Variants in STK31 observed in about 807,000 individuals in gnomAD.
STK31 encodes serine/threonine-protein kinase 31.
A neutral mutation model predicts 129.7 loss-of-function variants in STK31; 89 were observed. The observed-to-expected ratio is 0.69, with a 90% CI of 0.58 to 0.82. The LOEUF (loss-of-function observed/expected upper bound fraction) is 0.82, where lower values mean the gene tolerates loss of function less well. Among genes scored for constraint, STK31 ranks in the 40% least tolerant of loss-of-function variants. The probability of loss-of-function intolerance (pLI) is 0.00; values close to 1 mark genes in which losing one functional copy is unlikely to be tolerated. For missense variants in STK31, 1,187 were observed against 1,176.4 expected (o/e 1.01, Z -0.13); for synonymous variants, 448 against 395.3 (o/e 1.13, Z -1.58).
chr7:23,781,822 A>G (rs1275020232), intron 16 of STK31, among the ~76,000 whole-genome samples: 1 of 152,102 alleles, frequency 6.6e-6, no homozygotes, highest in Non-Finnish European at 1.5e-5. Flanking sequence ...TTCTTTTAGT[A>G]TTTTTTTGTT....
chr7:23,718,100 T>C (rs962523793), intron 4 of STK31, among the ~76,000 whole-genome samples: 5 of 152,158 alleles, frequency 3.3e-5, no homozygotes, highest in Non-Finnish European at 5.9e-5. Context: ...GTCAATTTTA[T>C]GTTATGTATA....
intron 22 of STK31, among the ~76,000 whole-genome samples, chr7:23,803,269 TA>T (rs150365541): frequency 0.15 from 23,390 of 152,114 alleles, 1,853 homozygotes; most frequent in East Asian, 0.22. Flanking sequence ...GGGCTGTGCT[TA>T]AAAAGGTAAT....
chr7:23,820,950 A>G (rs1793755290), intron 23 of STK31, among the ~76,000 whole-genome samples: 1 of 152,176 alleles, frequency 6.6e-6, no homozygotes, highest in Non-Finnish European at 1.5e-5. Context: ...ATGGACGCTT[A>G]GGTTGGAGTC....
rs1353981804 is a variant in STK31 at position 23,828,260 on chromosome 7, C to A, written c.2830-3876C>A. On this transcript the variant is annotated intron_variant, in intron 23 of 23. Coordinates refer to ENST00000355870, the MANE Select transcript of STK31 (RefSeq NM_031414.5). ...GCTCCACCCAGTTTGAGCTTCCCAG[C>A]CACTTTGTTTACCTACTCAAGCCTG... 2.6e-5 allele frequency among the ~76,000 whole-genome samples: 4 copies of A among 152,308 alleles called. No homozygotes were observed. The East Asian group carries it at 5.8e-4, about 22-fold the overall frequency.
At chr7:23,800,333 A>C (rs1792287471) in intron 22 of STK31, among the ~76,000 whole-genome samples, 1 of 152,152 alleles carries the variant, frequency 6.6e-6, no homozygotes, top group Non-Finnish European at 1.5e-5. Flanking sequence ...AACCAACCCA[A>C]ATACCCATCA....
chr7:23,738,363 T>G (rs898634514), intron 8 of STK31, among the ~76,000 whole-genome samples: 24 of 149,922 alleles, frequency 1.6e-4, no homozygotes, highest in Non-Finnish European at 3.0e-5. Flanking sequence ...CAAATCTCAT[T>G]CAGAGTATTT....
chr7:23,789,772 T>C (rs1459008216), intron 21 of STK31, among the ~76,000 whole-genome samples: 1 of 152,194 alleles, frequency 6.6e-6, no homozygotes, highest in African/African-American at 2.4e-5. Context: ...ATTTGCATAA[T>C]TATAGATATG....
At chr7:23,725,378 A>AC (rs1786995722) in intron 4 of STK31, among the ~76,000 whole-genome samples, 1 of 148,554 alleles carries the variant, frequency 6.7e-6, no homozygotes, top group Non-Finnish European at 1.5e-5. Flanking sequence ...TCTACAAAAA[A>AC]AAAAAAAAAA....
At chr7:23,734,457 A>G (rs1787602684) in intron 6 of STK31, among the ~76,000 whole-genome samples, 1 of 152,242 alleles carries the variant, frequency 6.6e-6, no homozygotes, top group Non-Finnish European at 1.5e-5. Context: ...GATTGTGTCA[A>G]AGTAATTTTA....
intron 23 of STK31, among the ~76,000 whole-genome samples, chr7:23,823,197 G>A (rs1793898748): frequency 6.6e-6 from 1 of 152,174 alleles, no homozygotes; most frequent in Admixed American, 6.6e-5. Context: ...GGTTGAACTA[G>A]TTTACAGTCC....
chr7:23,812,067 C>T (rs901978679), intron 22 of STK31, among the ~76,000 whole-genome samples: 51 of 152,170 alleles, frequency 3.4e-4, no homozygotes, highest in African/African-American at 1.2e-3. Flanking sequence ...CTCCAAGACT[C>T]CTTTAAAAAA....
chr7:23,798,087 C>G (rs1792090797), intron 22 of STK31, among the ~76,000 whole-genome samples: 1 of 152,108 alleles, frequency 6.6e-6, no homozygotes, highest in African/African-American at 2.4e-5. Context: ...ACAATAAGTT[C>G]TGAAATTGAG....
At chr7:23,807,607 C>CA (rs2128123611) in intron 22 of STK31, among the ~76,000 whole-genome samples, 1 of 152,188 alleles carries the variant, frequency 6.6e-6, no homozygotes, top group East Asian at 1.9e-4. Flanking sequence ...GGAAGTTCAG[C>CA]AATTATTTAC....
chr7:23,729,210 A>G lies in STK31; in HGVS notation c.444A>G (p.Leu148=). The change falls in exon 6 of 24, where the codon CTA becomes CTG. Residue 148 remains leucine, a synonymous_variant. Coordinates refer to ENST00000355870, the MANE Select transcript of STK31 (RefSeq NM_031414.5). ...SVAKKYKLWG[L]HIPSDQEVTQ... Reference sequence around the variant, plus strand: ...CCAAAAAGTATAAACTTTGGGGACTACACATTCCTTCTGATCAAGAAGTTA... The same window carrying G: ...CCAAAAAGTATAAACTTTGGGGACTGCACATTCCTTCTGATCAAGAAGTTA... 6.2e-7 allele frequency: 1 copy of G among 1,609,702 alleles called. No individual in the cohort carries two copies. The highest frequency in any genetic ancestry group is 8.5e-7 in the Non-Finnish European group (1 of 1,179,060).
chr7:23,791,483 A>G (rs1791614235), intron 22 of STK31, among the ~76,000 whole-genome samples: 1 of 152,168 alleles, frequency 6.6e-6, no homozygotes, highest in African/African-American at 2.4e-5. Flanking sequence ...GGTTGGGAGA[A>G]AGGTAAGGAT....
intron 22 of STK31, among the ~76,000 whole-genome samples, chr7:23,814,163 T>TTTTTTTTTTTTTTC: frequency 6.7e-6 from 1 of 148,874 alleles, no homozygotes; most frequent in Non-Finnish European, 1.5e-5. Context: ...TTTTTTTTTT[T>TTTTTTTTTTTTTTC]TCAGTTGGGA....
chr7:23,829,981 C>T (rs541848818), intron 23 of STK31, among the ~76,000 whole-genome samples: 54 of 152,012 alleles, frequency 3.6e-4, no homozygotes, highest in African/African-American at 1.0e-3. Context: ...ACAGAGTCTC[C>T]CTCTGTTGCC....
In STK31 at chr7:23,832,153, C is replaced by A; in HGVS notation, c.2847C>A (p.Ser949=). ...DQFHLDDKVK[S]LLCSLICYRS... is the part of the protein sequence containing the mutation. ...CCTTGCAGGATGATAAAGTCAAATC[C>A]CTCCTCTGTAGCTTGATATGTTATA... The change falls in exon 24 of 24, where the codon TCC becomes TCA. Residue 949 remains serine, a synonymous_variant. Transcript: ENST00000355870. 6.2e-7 allele frequency: 1 copy of A among 1,613,224 alleles called. No homozygotes were observed. Among genetic ancestry groups the A allele is most frequent in the Non-Finnish European group, 8.5e-7 (1 of 1,179,640 alleles).
At chr7:23,756,345 T>G (rs1483253396) in intron 10 of STK31, among the ~76,000 whole-genome samples, 2 of 152,224 alleles carry the variant, frequency 1.3e-5, no homozygotes, top group Non-Finnish European at 2.9e-5. Context: ...CACATTTATT[T>G]TGTATCCTGA....
Sources: allele counts gnomAD v4.1 joint callset (sites outside exome capture counted in the v4.1 genomes callset), GRCh38; gene constraint gnomAD v4.1.1; transcripts MANE v1.5; gene names NCBI Gene and HGNC (gene_info 2026-07-23, HGNC 2026-07-21).